The following PPP1R14C variants were observed in gnomAD, a reference collection of about 807,000 sequenced individuals.
PPP1R14C encodes the protein protein phosphatase 1 regulatory inhibitor subunit 14C.
PPP1R14C carries 16 observed loss-of-function variants against 20.4 expected under a neutral mutation model. The observed-to-expected ratio is 0.78, with a 90% confidence interval of 0.53 to 1.19. The LOEUF (loss-of-function observed/expected upper bound fraction) is 1.19, where lower values mean the gene tolerates loss of function less well. PPP1R14C is among the 50% of genes most tolerant of loss of function. The pLI is 0.00. For synonymous variants in PPP1R14C, 91 were observed against 91.0 expected (o/e 1.00, Z 0.00); for missense variants, 211 against 220.1 (o/e 0.96, Z 0.26).
rs539863259 is a variant in PPP1R14C, at chr6:150,183,354, A to G, written c.307-31390A>G. Among the ~76,000 whole-genome samples the G allele has an allele frequency of 3.5e-4, 53 of 152,314 alleles. No individual in the cohort carries two copies. The South Asian group carries it at 0.011, about 30-fold the overall frequency. Reference sequence around the variant, plus strand: ...AATTCAACTTTATTGCTCCACCTGTACAAAAAGGAAGTAGAATAAAAAATA... The same window carrying G: ...AATTCAACTTTATTGCTCCACCTGTGCAAAAAGGAAGTAGAATAAAAAATA... On this transcript the variant is annotated intron_variant, in intron 1 of 3. Transcript: ENST00000361131.
intron 1 of PPP1R14C, among the ~76,000 whole-genome samples, chr6:150,197,811 C>G (rs56026097): frequency 6.8e-3 from 888 of 130,048 alleles, no homozygotes; most frequent in African/African-American, 0.011. Flanking sequence ...CTTTGTGTGC[C>G]CCTGCCCTTC....
intron 1 of PPP1R14C, among the ~76,000 whole-genome samples, chr6:150,166,144 T>C (rs1582899664): frequency 1.3e-5 from 2 of 151,664 alleles, no homozygotes; most frequent in East Asian, 3.9e-4. Flanking sequence ...GCAGTGGCGC[T>C]ATCTCGGCTC....
chr6:150,148,558 A>G (rs1466534435), intron 1 of PPP1R14C, among the ~76,000 whole-genome samples: 1 of 152,158 alleles, frequency 6.6e-6, no homozygotes, highest in Non-Finnish European at 1.5e-5. Flanking sequence ...CAGATCCTGG[A>G]TTTCCACAGA....
At chr6:150,232,011 T>C (rs1460230998) in intron 3 of PPP1R14C, among the ~76,000 whole-genome samples, 2 of 152,144 alleles carry the variant, frequency 1.3e-5, no homozygotes, top group Admixed American at 1.3e-4. Context: ...AGAAATGGAG[T>C]TGCTTTTAAA....
chr6:150,217,277 C>A (rs188461700), intron 3 of PPP1R14C, among the ~76,000 whole-genome samples: 4 of 149,196 alleles, frequency 2.7e-5, no homozygotes, highest in Admixed American at 2.0e-4. Context: ...CTCACTGCAA[C>A]CTCCGCCTCC....
chr6:150,175,230 A>G (rs904845516), intron 1 of PPP1R14C, among the ~76,000 whole-genome samples: 8 of 152,152 alleles, frequency 5.3e-5, no homozygotes, highest in Non-Finnish European at 8.8e-5. Context: ...GTCCCATTGT[A>G]GCGATGGAAC....
rs1335706895 is a variant in PPP1R14C, at chr6:150,199,013, T to TA, written c.307-15730dup. Among the ~76,000 whole-genome samples, 11 of 151,898 alleles carry TA rather than the reference T, an allele frequency of 7.2e-5. 1 individual carries two copies. In the South Asian group the frequency reaches 2.1e-3, roughly 29 times the overall value. The stretch of plus-strand genomic sequence containing the variant: ...GGTAGGCTTCTTCTTTTTTTTTTTT[T>TA]ATTGTCACCATCTATAATGGAATGG... On this transcript the variant is annotated intron_variant, in intron 1 of 3. Transcript: ENST00000361131.
At chr6:150,148,275 G>A (rs945212325) in intron 1 of PPP1R14C, among the ~76,000 whole-genome samples, 6 of 152,028 alleles carry the variant, frequency 3.9e-5, no homozygotes, top group Non-Finnish European at 8.8e-5. Flanking sequence ...TTGTGGAGGT[G>A]GAATCAGGCA....
At chr6:150,205,914 C>A (rs1022450544) in intron 1 of PPP1R14C, among the ~76,000 whole-genome samples, 4 of 152,122 alleles carry the variant, frequency 2.6e-5, no homozygotes, top group Admixed American at 6.5e-5. Context: ...CTGGTCTTTT[C>A]GCGTATGCCC....
At chr6:150,191,130 G>A (rs762636348) in intron 1 of PPP1R14C, among the ~76,000 whole-genome samples, 31 of 152,108 alleles carry the variant, frequency 2.0e-4, no homozygotes, top group Admixed American at 9.8e-4. Flanking sequence ...TGTCTGGAAC[G>A]TTCTTCTACA....
At chr6:150,236,739 C>T (rs1001205543) in intron 3 of PPP1R14C, among the ~76,000 whole-genome samples, 4 of 152,028 alleles carry the variant, frequency 2.6e-5, no homozygotes, top group Non-Finnish European at 5.9e-5. Context: ...AGAATAAATA[C>T]GATCTCCTTT....
chr6:150,178,443 G>A (rs2038773), intron 1 of PPP1R14C, among the ~76,000 whole-genome samples: 78,826 of 152,018 alleles, frequency 0.52, 20,574 homozygotes, highest in South Asian at 0.63. Flanking sequence ...AGAGGAGGGC[G>A]GTCACAGCAG....
intron 3 of PPP1R14C, among the ~76,000 whole-genome samples, chr6:150,223,613 T>C (rs1778195192): frequency 6.6e-6 from 1 of 152,224 alleles, no homozygotes; most frequent in South Asian, 2.1e-4. Flanking sequence ...GGAGAAACTT[T>C]TCATATGCTT....
intron 3 of PPP1R14C, among the ~76,000 whole-genome samples, chr6:150,218,998 T>C (rs889825412): frequency 2.7e-5 from 4 of 149,456 alleles, no homozygotes; most frequent in Non-Finnish European, 5.9e-5. Context: ...TTTTTTTTCA[T>C]TTATTGACTT....
chr6:150,233,524 T>A (rs901729852), intron 3 of PPP1R14C, among the ~76,000 whole-genome samples: 2 of 152,136 alleles, frequency 1.3e-5, no homozygotes, highest in Non-Finnish European at 2.9e-5. Context: ...AAAATCAAAT[T>A]TGATAATTAG....
At chr6:150,205,622 G>A (rs146788139) in intron 1 of PPP1R14C, among the ~76,000 whole-genome samples, 6 of 151,890 alleles carry the variant, frequency 4.0e-5, no homozygotes, top group Admixed American at 6.6e-5. Flanking sequence ...GTGATACCCC[G>A]TCTCTACTGA....
At chr6:150,228,983 T>C (rs1442699544) in intron 3 of PPP1R14C, among the ~76,000 whole-genome samples, 1 of 152,166 alleles carries the variant, frequency 6.6e-6, no homozygotes, top group Non-Finnish European at 1.5e-5. Context: ...TGGACCCGAT[T>C]AGCATTTTCA....
chr6:150,149,138 C>A (rs1203548697), intron 1 of PPP1R14C, among the ~76,000 whole-genome samples: 4 of 152,102 alleles, frequency 2.6e-5, no homozygotes, highest in Non-Finnish European at 5.9e-5. Context: ...TAACACATTC[C>A]CTTTGGAACA....
chr6:150,243,446 G>A (rs943605985), intron 3 of PPP1R14C, among the ~76,000 whole-genome samples: 5 of 152,044 alleles, frequency 3.3e-5, no homozygotes, highest in Non-Finnish European at 5.9e-5. Context: ...CCAAAGTGTT[G>A]GGATTACAGG....
Sources: allele counts gnomAD v4.1 joint callset (sites outside exome capture counted in the v4.1 genomes callset), GRCh38; gene constraint gnomAD v4.1.1; transcripts MANE v1.5; gene names NCBI Gene and HGNC (gene_info 2026-07-23, HGNC 2026-07-21).